The following TUSC3 variants were observed in gnomAD, a reference collection of about 807,000 sequenced individuals.
TUSC3 encodes the protein dolichyl-diphosphooligosaccharide--protein glycosyltransferase subunit TUSC3.
TUSC3 carries 45 observed loss-of-function variants against 44.8 expected under a neutral mutation model. That is an observed-to-expected ratio of 1.00 (90% CI 0.79 to 1.29). The LOEUF (loss-of-function observed/expected upper bound fraction) is 1.29. Ranked by LOEUF, TUSC3 falls within the 50% of genes most tolerant of loss-of-function variation. The pLI is 0.00. For synonymous variants in TUSC3, 212 were observed against 152.9 expected (o/e 1.39, Z -2.85); for missense variants, 519 against 437.9 (o/e 1.19, Z -1.65).
chr8:15,666,035 T>C (rs1196633432), intron 5 of TUSC3, among the ~76,000 whole-genome samples: 1 of 151,508 alleles, frequency 6.6e-6, no homozygotes, highest in East Asian at 1.9e-4. Flanking sequence ...GAGTAAAATA[T>C]TGAAATACAC....
intron 2 of TUSC3, among the ~76,000 whole-genome samples, chr8:15,492,141 G>C (rs1390760638): frequency 1.3e-5 from 2 of 152,126 alleles, no homozygotes; most frequent in Admixed American, 1.3e-4. Context: ...CTGCCATCTT[G>C]GAGTTAGTTG....
intron 6 of TUSC3, among the ~76,000 whole-genome samples, chr8:15,693,318 C>G (rs139505177): frequency 1.3e-5 from 2 of 151,926 alleles, no homozygotes; most frequent in Non-Finnish European, 2.9e-5. Context: ...ACATTTAGTA[C>G]TCCCTTCAGA....
At chr8:15,544,735 A>G (rs1453314442) in intron 1 of TUSC3, among the ~76,000 whole-genome samples, 2 of 151,844 alleles carry the variant, frequency 1.3e-5, no homozygotes, top group African/African-American at 4.8e-5. Flanking sequence ...TAAGTGGAAG[A>G]AAAAGTTTGC....
At chr8:15,685,306 C>G (rs1188059400) in intron 6 of TUSC3, among the ~76,000 whole-genome samples, 6 of 151,482 alleles carry the variant, frequency 4.0e-5, no homozygotes, top group African/African-American at 1.5e-4. Context: ...GGAGGCCGGT[C>G]CTAGTGCCCA....
chr8:15,506,265 C>A lies in TUSC3; in HGVS notation n.189+22782C>A, dbSNP rs375647280. ...TGCCCTCCTCTCTCTCAGTCCCACT[C>A]TCCCCTGAGGCTAGTTCTAGAAACT... On this transcript the variant is annotated intron_variant and non_coding_transcript_variant, in intron 2 of 5. Coordinates refer to the TUSC3 transcript ENST00000503191. 3.5e-3 allele frequency among the ~76,000 whole-genome samples: 526 copies of A among 152,286 alleles called. 2 individuals carry two copies. The highest frequency in any genetic ancestry group is 0.012 in the African/African-American group (506 of 41,568).
chr8:15,613,565 C>G (rs547571367), intron 1 of TUSC3, among the ~76,000 whole-genome samples: 7 of 152,194 alleles, frequency 4.6e-5, no homozygotes, highest in Admixed American at 1.3e-4. Flanking sequence ...GTTAAGATGT[C>G]CCTTTGCTGT....
At chr8:15,561,097 C>T (rs1043565401) in intron 1 of TUSC3, among the ~76,000 whole-genome samples, 4 of 115,372 alleles carry the variant, frequency 3.5e-5, no homozygotes, top group Non-Finnish European at 5.5e-5. Flanking sequence ...TTAGAGTTTC[C>T]AGTTTTTCTG....
At chr8:15,505,688 A>C (rs1198926921) in intron 2 of TUSC3, among the ~76,000 whole-genome samples, 1 of 152,180 alleles carries the variant, frequency 6.6e-6, no homozygotes. Context: ...TGCATTTTTA[A>C]CTGATGAATA....
chr8:15,686,696 A>C (rs925813728), intron 6 of TUSC3, among the ~76,000 whole-genome samples: 1 of 152,128 alleles, frequency 6.6e-6, no homozygotes, highest in Non-Finnish European at 1.5e-5. Flanking sequence ...ATATTTACAA[A>C]GGGCATTCAG....
At chr8:15,475,127 T>C (rs1336496933) in intron 1 of TUSC3, among the ~76,000 whole-genome samples, 1 of 152,154 alleles carries the variant, frequency 6.6e-6, no homozygotes, top group Non-Finnish European at 1.5e-5. Flanking sequence ...ATTGAGCAGT[T>C]ATTATGCTCT....
At chr8:15,442,205 C>G (rs754362367) in intron 1 of TUSC3, among the ~76,000 whole-genome samples, 6 of 151,814 alleles carry the variant, frequency 4.0e-5, no homozygotes, top group Non-Finnish European at 8.8e-5. Flanking sequence ...TTGTCAATTA[C>G]CTGTTGCAAT....
intron 2 of TUSC3, among the ~76,000 whole-genome samples, chr8:15,506,228 C>G (rs747295086): frequency 6.6e-5 from 10 of 152,166 alleles, no homozygotes; most frequent in Non-Finnish European, 1.0e-4. Context: ...AAGTTTTTCT[C>G]TGAGCTTCCC....
rs1807459299 is a variant in TUSC3 at position 15,662,315 on chromosome 8, C to CT, written c.708+26dup. On this transcript the variant is annotated intron_variant, in intron 5 of 10. Transcript: ENST00000503731. ...GTCTCTGGTATGTTAATACATTGTGCTTTTTTTATTTCCTGTTCTTTGTGT... is the reference window on the plus strand; with the variant it reads ...GTCTCTGGTATGTTAATACATTGTGCTTTTTTTTATTTCCTGTTCTTTGTGT... The CT allele has an allele frequency of 3.1e-6, 5 of 1,611,930 alleles. No individual in the cohort carries two copies. The highest frequency in any genetic ancestry group is 4.2e-6 in the Non-Finnish European group (5 of 1,178,562).
At chr8:15,851,569 A>T in the TUSC3 span, among the ~76,000 whole-genome samples, 2 of 152,212 alleles carry the variant, frequency 1.3e-5, no homozygotes, top group Admixed American at 6.6e-5. Context: ...TGACCAAGAC[A>T]TGGGACACGT....
At chr8:15,664,000 A>G (rs533089377) in intron 5 of TUSC3, among the ~76,000 whole-genome samples, 4 of 152,048 alleles carry the variant, frequency 2.6e-5, no homozygotes, top group African/African-American at 9.6e-5. Context: ...TAACATTAAC[A>G]TCCTTACATT....
chr8:15,515,064 G>A (rs367770114), intron 2 of TUSC3, among the ~76,000 whole-genome samples: 2 of 151,946 alleles, frequency 1.3e-5, no homozygotes, highest in African/African-American at 2.4e-5. Context: ...CTTTTCCACC[G>A]ATGGAAAAGA....
chr8:15,556,924 G>T (rs1351471120), intron 1 of TUSC3, among the ~76,000 whole-genome samples: 1 of 149,388 alleles, frequency 6.7e-6, no homozygotes, highest in East Asian at 2.0e-4. Flanking sequence ...AGATGAGTAG[G>T]TTGTGAAAAT....
At chr8:15,679,460 T>C (rs920120199) in intron 6 of TUSC3, among the ~76,000 whole-genome samples, 23 of 152,130 alleles carry the variant, frequency 1.5e-4, no homozygotes, top group Admixed American at 1.5e-3. Context: ...TATTTTTTGC[T>C]TAAGTTTTTT....
Position 15,540,335 on chromosome 8 carries a change from C to T in TUSC3, c.-96C>T. On this transcript the variant is annotated 5_prime_UTR_variant, in exon 1 of 11. Coordinates refer to ENST00000503731, the MANE Select transcript of TUSC3 (RefSeq NM_006765.4). The stretch of plus-strand genomic sequence containing the variant: ...CCGCTGCCATCCCGGAGGGCCCAGC[C>T]AGCGGGCTCCCGGAGGCTGGCCGGG... 2 of 1,373,696 alleles carry T rather than the reference C, an allele frequency of 1.5e-6. No homozygotes were observed. The highest frequency in any genetic ancestry group is 1.9e-6 in the Non-Finnish European group (2 of 1,063,892). 85.1% of individuals were successfully genotyped at this position (1,373,696 alleles called of 1,614,324 possible). A position where few individuals can be genotyped will look rare whatever the true frequency, so the allele number is the denominator to read the frequency against.
Sources: allele counts gnomAD v4.1 joint callset (sites outside exome capture counted in the v4.1 genomes callset), GRCh38; gene constraint gnomAD v4.1.1; transcripts MANE v1.5; gene names NCBI Gene and HGNC (gene_info 2026-07-23, HGNC 2026-07-21).